ITGA6: variants seen among roughly 807,000 people sequenced by gnomAD.
ITGA6 encodes the protein integrin alpha-6.
In ITGA6, 63 loss-of-function variants were observed where a neutral mutation model predicts 133.6. The observed-to-expected ratio is 0.47, with a 90% CI of 0.38 to 0.58. The LOEUF (loss-of-function observed/expected upper bound fraction) is 0.58. Among genes scored for constraint, ITGA6 ranks in the 20% least tolerant of loss-of-function variants. The pLI, the probability that ITGA6 is intolerant of heterozygous loss-of-function variation, is 0.00. For synonymous variants in ITGA6, 434 were observed against 482.0 expected, an observed-to-expected ratio of 0.90 and a Z score of 1.30; for missense variants, 1,068 against 1,309.4, an observed-to-expected ratio of 0.82 and a Z score of 2.85.
chr2:172,451,601 A>G (rs1685007502), intron 1 of ITGA6, among the ~76,000 whole-genome samples: 1 of 152,146 alleles, frequency 6.6e-6, no homozygotes, highest in African/African-American at 2.4e-5. Context: ...GAGTTAGGAG[A>G]GAGGCTGGGG....
At chr2:172,479,110 TTAGG>T (rs1449973185) in intron 9 of ITGA6, among the ~76,000 whole-genome samples, 21 of 152,226 alleles carry the variant, frequency 1.4e-4, no homozygotes, top group Non-Finnish European at 2.4e-4. Context: ...TGTCTACCGA[TTAGG>T]TACTGGTTAA....
rs756187982 is a variant in ITGA6, at chr2:172,467,528, G to A, written c.355G>A (p.Val119Ile). 29 of 1,613,540 alleles carry A rather than the reference G, an allele frequency of 1.8e-5. No individual in the cohort carries two copies. The Middle Eastern group carries it at 4.9e-4, about 27-fold the overall frequency. ...SKEDQWMGVT[V>I]QSQGPGGKVV... ...GGAAGATCAGTGGATGGGGGTCACCGTCCAGAGCCAAGGTCCAGGGGGCAA... is the reference window on the plus strand; with the variant it reads ...GGAAGATCAGTGGATGGGGGTCACCATCCAGAGCCAAGGTCCAGGGGGCAA... Residue 119 changes from valine (V) to isoleucine (I), a missense_variant, in exon 3 of 26, where the codon GTC becomes ATC. By Grantham distance (29) the Val-to-Ile change is conservative. Around this residue, in one of 3 missense-constraint regions of ITGA6, gnomAD observed 317 missense variants for 456.9 expected, o/e 0.69. Coordinates refer to ENST00000684293, the MANE Select transcript of ITGA6 (RefSeq NM_000210.4).
At position 172,504,580 on chromosome 2, in the gene ITGA6, G is replaced by C. The variant is rs1687483428; in HGVS notation, c.*512G>C. 4.8e-6 allele frequency: 1 copy of C among 209,130 alleles called. No homozygotes were observed. The highest frequency in any genetic ancestry group is 9.8e-6 in the Non-Finnish European group (1 of 102,498). 13.0% of individuals were successfully genotyped at this position (209,130 alleles called of 1,614,324 possible). A position where few individuals can be genotyped will look rare whatever the true frequency, so the allele number is the denominator to read the frequency against. ...GCACTCAGGTGACATCCTCCAGATA[G>C]TGTAGCTGAGGAGGCACCTACACTC... is the stretch of plus-strand genomic sequence containing the variant. On this transcript the variant is annotated 3_prime_UTR_variant, in exon 26 of 26. Coordinates refer to ENST00000684293, the MANE Select transcript of ITGA6 (RefSeq NM_000210.4).
chr2:172,451,325 TGTG>T (rs1684990603), intron 1 of ITGA6, among the ~76,000 whole-genome samples: 1 of 149,984 alleles, frequency 6.7e-6, no homozygotes, highest in Non-Finnish European at 1.5e-5. Flanking sequence ...ATTAGCCTGG[TGTG>T]GTGGTGGGCA....
At chr2:172,459,107 C>G (rs1685325964) in intron 1 of ITGA6, among the ~76,000 whole-genome samples, 4 of 152,100 alleles carry the variant, frequency 2.6e-5, no homozygotes, top group Admixed American at 2.6e-4. Context: ...GATCCACACA[C>G]AATAAAAAGA....
Position 172,504,179 on chromosome 2 carries a change from A to T in ITGA6, c.*111A>T. ...CGGAAAGAAGAGCGAGAGATCAAAGATGAAAAGTATATTGATAACCTTGAA... is the reference window on the plus strand; with the variant it reads ...CGGAAAGAAGAGCGAGAGATCAAAGTTGAAAAGTATATTGATAACCTTGAA... On this transcript the variant is annotated 3_prime_UTR_variant, in exon 26 of 26. Coordinates refer to ENST00000684293, the MANE Select transcript of ITGA6 (RefSeq NM_000210.4). The T allele has an allele frequency of 1.3e-6, 2 of 1,591,344 alleles. No individual in the cohort carries two copies. Among genetic ancestry groups the T allele is most frequent in the African/African-American group, 1.3e-5 (1 of 74,628 alleles).
At chr2:172,451,443 C>G (rs1212150530) in intron 1 of ITGA6, among the ~76,000 whole-genome samples, 1 of 144,670 alleles carries the variant, frequency 6.9e-6, no homozygotes, top group Non-Finnish European at 1.5e-5. Context: ...TCAGCCTGGG[C>G]AACAGAGCGA....
At chr2:172,465,235 C>A in intron 1 of ITGA6, 1 of 450,908 alleles carries the variant, frequency 2.2e-6, no homozygotes, top group Admixed American at 3.4e-5. Context: ...AGGTTGTATT[C>A]TTTGAAGAGG....
At chr2:172,457,927 C>CCTTA (rs1685279028) in intron 1 of ITGA6, among the ~76,000 whole-genome samples, 1 of 152,152 alleles carries the variant, frequency 6.6e-6, no homozygotes, top group South Asian at 2.1e-4. Flanking sequence ...GGGCTTATGA[C>CCTTA]CTTAGCAGGG....
At chr2:172,435,631 TTTTTTTTTTG>T (rs1230966217) in intron 1 of ITGA6, among the ~76,000 whole-genome samples, 5 of 139,960 alleles carry the variant, frequency 3.6e-5, no homozygotes, top group African/African-American at 1.3e-4. Context: ...TTTTTTTTTT[TTTTTTTTTTG>T]TTGAGACAGA....
In ITGA6 at chr2:172,487,082, A is replaced by G. The variant is rs1347461989; in HGVS notation, c.1914A>G (p.Leu638=). Residue 638 remains leucine, a synonymous_variant, in exon 14 of 26, where the codon CTA becomes CTG. Coordinates refer to ENST00000684293, the MANE Select transcript of ITGA6 (RefSeq NM_000210.4). ...ATGTATGTAACAGCAACCTTAAACT[A>G]GAATATAAATTTTGCACCCGAGAAG... ...DDNVCNSNLK[L]EYKFCTREGN... 4.3e-6 allele frequency: 7 copies of G among 1,613,386 alleles called. No individual in the cohort carries two copies. The South Asian group carries it at 6.6e-5, about 15-fold the overall frequency.
intron 23 of ITGA6, among the ~76,000 whole-genome samples, chr2:172,496,169 CCT>C (rs1197580682): frequency 2.0e-5 from 3 of 152,188 alleles, no homozygotes; most frequent in Non-Finnish European, 2.9e-5. Flanking sequence ...CTGGTCTGTC[CCT>C]GTTTCTTCTT....
chr2:172,485,239 A>G lies in ITGA6; in HGVS notation c.1829A>G (p.Asp610Gly), dbSNP rs1420842182. 1.2e-6 allele frequency: 2 copies of G among 1,614,046 alleles called. No homozygotes were observed. The highest frequency in any genetic ancestry group is 3.3e-5 in the Admixed American group (2 of 60,006). Residue 610 changes from aspartate (D) to glycine (G), a missense_variant, in exon 13 of 26, where the codon GAT (aspartate) becomes GGT (glycine). Physicochemically the swap from Asp to Gly is moderately conservative, Grantham distance 94. Coordinates refer to ENST00000684293, the MANE Select transcript of ITGA6 (RefSeq NM_000210.4). Reference sequence around the variant, plus strand: ...GAAGTTCTTCCAATTCTGAATTCAGATGAACCCAAGACAGCTCATATTGAT... The same window carrying G: ...GAAGTTCTTCCAATTCTGAATTCAGGTGAACCCAAGACAGCTCATATTGAT... Reference protein sequence around the residue: ...LPEVLPILNSDEPKTAHIDVH... With the variant: ...LPEVLPILNSGEPKTAHIDVH...
rs537355760 is a variant in ITGA6 at position 172,431,070 on chromosome 2, GTC to G, written c.182+3110_182+3111del. 1.1e-3 allele frequency among the ~76,000 whole-genome samples: 164 copies of G among 152,196 alleles called. 1 individual carries two copies. Among genetic ancestry groups the G allele is most frequent in the African/African-American group, 3.8e-3 (156 of 41,522 alleles). ...CAACCCTCATTTTCTTCTTTATGGG[GTC>G]TCTCTCTCTGACCACCACTGTCTTC... On this transcript the variant is annotated intron_variant, in intron 1 of 25. Transcript: ENST00000684293.
At chr2:172,463,495 G>A (rs1229838564) in intron 1 of ITGA6, among the ~76,000 whole-genome samples, 1 of 152,114 alleles carries the variant, frequency 6.6e-6, no homozygotes. Flanking sequence ...TTTTATTTGT[G>A]TAAGTTTTGC....
intron 1 of ITGA6, among the ~76,000 whole-genome samples, chr2:172,458,626 C>G (rs1389410673): frequency 1.3e-5 from 2 of 152,162 alleles, no homozygotes; most frequent in Non-Finnish European, 2.9e-5. Flanking sequence ...GACTCCCTTT[C>G]AGAATTCCTG....
chr2:172,472,756 T>C (rs369457662), intron 5 of ITGA6: 200 of 1,488,738 alleles, frequency 1.3e-4, no homozygotes, highest in Non-Finnish European at 1.8e-4. Flanking sequence ...ATTTCTTCCG[T>C]CCCGTGCATG....
intron 11 of ITGA6, among the ~76,000 whole-genome samples, chr2:172,484,468 C>T (rs1686580878): frequency 8.6e-6 from 1 of 115,646 alleles, no homozygotes; most frequent in African/African-American, 3.8e-5. Context: ...CGTTAGTATT[C>T]TGTGGGTTCA....
At chr2:172,441,453 G>T (rs941077534) in intron 1 of ITGA6, among the ~76,000 whole-genome samples, 1 of 151,134 alleles carries the variant, frequency 6.6e-6, no homozygotes, top group Non-Finnish European at 1.5e-5. Context: ...CACTTTGGAA[G>T]GCTGAGGTGG....
Sources: allele counts gnomAD v4.1 joint callset (sites outside exome capture counted in the v4.1 genomes callset), GRCh38; gene constraint gnomAD v4.1.1; regional missense constraint gnomAD v4.1.1; transcripts MANE v1.5; gene names NCBI Gene and HGNC (gene_info 2026-07-23, HGNC 2026-07-21).